Variants in RBFOX1 observed in about 807,000 individuals in gnomAD.
RBFOX1 encodes RNA binding fox-1 homolog 1, also known as RNA binding protein fox-1 homolog 1.
A neutral mutation model predicts 57.7 loss-of-function variants in RBFOX1; 8 were observed. That is an observed-to-expected ratio of 0.14 (90% CI 0.08 to 0.25). RBFOX1 has a LOEUF of 0.25. Among genes scored for constraint, RBFOX1 ranks in the 10% least tolerant of loss-of-function variants. RBFOX1 has a pLI of 1.00. For synonymous variants in RBFOX1, 326 were observed against 222.4 expected, an observed-to-expected ratio of 1.47 and a Z score of -4.15; for missense variants, 611 against 548.5, an observed-to-expected ratio of 1.11 and a Z score of -1.14.
chr16:5,501,318 CAAA>C (rs1160788118), intron 2 of RBFOX1, among the ~76,000 whole-genome samples: 44 of 64,896 alleles, frequency 6.8e-4, no homozygotes, highest in African/African-American at 1.8e-3. Context: ...ACTCTGTCTA[CAAA>C]AAAAAAAAAA....
chr16:6,442,104 G>T (rs77812741), intron 2 of RBFOX1, among the ~76,000 whole-genome samples: 2 of 152,158 alleles, frequency 1.3e-5, no homozygotes, highest in Non-Finnish European at 2.9e-5. Context: ...AGGCTGCCGG[G>T]TGATAGAAAG....
chr16:6,840,126 G>C (rs1326285542), intron 3 of RBFOX1, among the ~76,000 whole-genome samples: 7 of 152,254 alleles, frequency 4.6e-5, no homozygotes, highest in Admixed American at 3.9e-4. Flanking sequence ...TTCTTGGTGA[G>C]TTTATTTTTT....
chr16:6,513,349 T>C (rs1014477307), intron 2 of RBFOX1, among the ~76,000 whole-genome samples: 1 of 152,190 alleles, frequency 6.6e-6, no homozygotes, highest in African/African-American at 2.4e-5. Flanking sequence ...AACTTTGTGC[T>C]TGGATAGCAT....
chr16:5,242,474 C>T (rs1163939231), intron 1 of RBFOX1, among the ~76,000 whole-genome samples: 1 of 152,234 alleles, frequency 6.6e-6, no homozygotes, highest in African/African-American at 2.4e-5. Flanking sequence ...ACACATTCCT[C>T]TTCCTTTTTA....
chr16:7,066,606 C>CG, intron 4 of RBFOX1, among the ~76,000 whole-genome samples: 1 of 152,076 alleles, frequency 6.6e-6, no homozygotes, highest in East Asian at 1.9e-4. Context: ...ACTCATAAAG[C>CG]GGGGGGTGTT....
intron 3 of RBFOX1, among the ~76,000 whole-genome samples, chr16:5,842,079 A>C (rs1329607545): frequency 6.6e-6 from 1 of 152,088 alleles, no homozygotes; most frequent in Non-Finnish European, 1.5e-5. Flanking sequence ...GCCCTGAATC[A>C]TGGATTTTGT....
chr16:5,816,901 A>G (rs1239298319), intron 3 of RBFOX1, among the ~76,000 whole-genome samples: 1 of 152,196 alleles, frequency 6.6e-6, no homozygotes, highest in Admixed American at 6.5e-5. Context: ...GTACATATTT[A>G]TGGAGTACCT....
At chr16:6,074,094 G>A (rs1869005) in intron 1 of RBFOX1, among the ~76,000 whole-genome samples, 1,926 of 151,746 alleles carry the variant, frequency 0.013, 38 homozygotes, top group African/African-American at 0.043. Context: ...GACTATAGGC[G>A]CCCGCCACCA....
intron 3 of RBFOX1, among the ~76,000 whole-genome samples, chr16:5,769,232 C>G (rs934965872): frequency 2.1e-4 from 32 of 152,042 alleles, no homozygotes; most frequent in Non-Finnish European, 3.5e-4. Context: ...AGTCCTAACC[C>G]CAGCTACCTT....
chr16:7,323,933 T>A (rs2096578044), intron 4 of RBFOX1, among the ~76,000 whole-genome samples: 1 of 151,932 alleles, frequency 6.6e-6, no homozygotes, highest in Non-Finnish European at 1.5e-5. Context: ...GATGGGTGGA[T>A]GATGAGTGGG....
rs554338405 is a variant in RBFOX1 at position 5,907,065 on chromosome 16, G to C, written c.351+39730G>C. 1.8e-3 allele frequency among the ~76,000 whole-genome samples: 270 copies of C among 152,196 alleles called. 2 individuals are homozygous for C. Among genetic ancestry groups the C allele is most frequent in the Non-Finnish European group, 3.3e-3 (224 of 68,012 alleles). On this transcript the variant is annotated intron_variant, in intron 4 of 19. Transcript: ENST00000641259. ...CTGGGGGATTTTAAAACAGAAGCAT[G>C]ACTCCTCAGAGGCTTTAGGGAGGAG...
chr16:7,650,730 A>G (rs2064870386), intron 11 of RBFOX1, among the ~76,000 whole-genome samples: 1 of 152,158 alleles, frequency 6.6e-6, no homozygotes, highest in African/African-American at 2.4e-5. Flanking sequence ...GTGTTTCCTC[A>G]CACAGGCAGC....
intron 2 of RBFOX1, among the ~76,000 whole-genome samples, chr16:6,444,108 G>A (rs945730414): frequency 2.0e-5 from 3 of 152,052 alleles, no homozygotes; most frequent in African/African-American, 2.4e-5. Flanking sequence ...TTCTTGTCAC[G>A]CACTGCATCC....
chr16:6,798,681 C>A (rs2084666300), intron 3 of RBFOX1, among the ~76,000 whole-genome samples: 1 of 152,132 alleles, frequency 6.6e-6, no homozygotes. Flanking sequence ...TTGTGCTTTT[C>A]ACTAATTAAG....
At chr16:6,578,377 G>C (rs2097477579) in intron 2 of RBFOX1, among the ~76,000 whole-genome samples, 1 of 152,176 alleles carries the variant, frequency 6.6e-6, no homozygotes, top group South Asian at 2.1e-4. Context: ...AAAGTGTGTT[G>C]TGATTCATGA....
At position 6,124,426 on chromosome 16, in the gene RBFOX1, C is replaced by T. The variant is rs574491135; in HGVS notation, c.-127+104434C>T. 3.6e-4 allele frequency among the ~76,000 whole-genome samples: 55 copies of T among 152,218 alleles called. 2 individuals carry two copies. Among genetic ancestry groups the T allele is most frequent in the Non-Finnish European group, 4.4e-5 (3 of 68,012 alleles). On this transcript the variant is annotated intron_variant, in intron 1 of 15. Coordinates refer to ENST00000550418, the MANE Select transcript of RBFOX1 (RefSeq NM_018723.4). ...TGTAATGTAAATGAGCCTAAGATGA[C>T]CCCTAGGGATTGACCCCTGGGTTAT...
At chr16:7,284,458 G>A (rs1415611663) in intron 4 of RBFOX1, among the ~76,000 whole-genome samples, 1 of 151,916 alleles carries the variant, frequency 6.6e-6, no homozygotes, top group Non-Finnish European at 1.5e-5. Context: ...AGCCTCCTGA[G>A]TAGCTGGGAC....
intron 4 of RBFOX1, among the ~76,000 whole-genome samples, chr16:7,233,024 C>G (rs986897659): frequency 1.3e-5 from 2 of 152,102 alleles, no homozygotes; most frequent in Non-Finnish European, 2.9e-5. Flanking sequence ...CTAAAATAGG[C>G]TACATTTCCC....
At chr16:5,426,266 C>A (rs2067555810) in intron 1 of RBFOX1, among the ~76,000 whole-genome samples, 1 of 152,278 alleles carries the variant, frequency 6.6e-6, no homozygotes, top group Admixed American at 6.5e-5. Flanking sequence ...GAGACCCACA[C>A]CTTCACGGGA....
Sources: gnomAD v4.1 joint callset for allele counts (sites outside exome capture counted in the v4.1 genomes callset) on GRCh38, gnomAD v4.1.1 for gene constraint, MANE v1.5 for transcripts, NCBI Gene and HGNC (gene_info 2026-07-23, HGNC 2026-07-21) for gene names.